PDE9A: variants seen among roughly 807,000 people sequenced by gnomAD.
PDE9A encodes high affinity cGMP-specific 3',5'-cyclic phosphodiesterase 9A.
Under a neutral mutation model 87.4 loss-of-function variants are expected in PDE9A, and 60 were observed. The observed-to-expected ratio is 0.69, with a 90% CI of 0.56 to 0.85. The LOEUF (loss-of-function observed/expected upper bound fraction) is 0.85, where lower values mean the gene tolerates loss of function less well. Among genes scored for constraint, PDE9A ranks in the 40% least tolerant of loss-of-function variants. The probability of loss-of-function intolerance (pLI) is 0.00; values close to 1 mark genes in which losing one functional copy is unlikely to be tolerated. For missense variants in PDE9A, 665 were observed against 779.0 expected (o/e 0.85, Z 1.74); for synonymous variants, 272 against 279.4 (o/e 0.97, Z 0.27).
At chr21:42,774,266 C>CA (rs2057324699) in intron 19 of PDE9A, among the ~76,000 whole-genome samples, 1 of 152,166 alleles carries the variant, frequency 6.6e-6, no homozygotes, top group Admixed American at 6.5e-5. Flanking sequence ...AGAGGAGCTG[C>CA]AACAGGCTTT....
At chr21:42,663,382 C>T (rs114761028) in intron 1 of PDE9A, among the ~76,000 whole-genome samples, 391 of 152,300 alleles carry the variant, frequency 2.6e-3, no homozygotes, top group African/African-American at 9.1e-3. Context: ...GTCAGCAGAG[C>T]CCCTGGGGGT....
chr21:42,742,114 G>A (rs1000823784), intron 7 of PDE9A, among the ~76,000 whole-genome samples: 11 of 152,144 alleles, frequency 7.2e-5, no homozygotes, highest in African/African-American at 9.7e-5. Flanking sequence ...TTTAACGCTC[G>A]CTCGGAGGCA....
intron 1 of PDE9A, among the ~76,000 whole-genome samples, chr21:42,667,016 C>G (rs1433812453): frequency 6.6e-6 from 1 of 152,236 alleles, no homozygotes; most frequent in Non-Finnish European, 1.5e-5. Flanking sequence ...CCCCACTCCC[C>G]CCCGCCCCAA....
Position 42,709,068 on chromosome 21 carries a change from A to T in PDE9A, c.262+10057A>T, listed in dbSNP as rs140793740. Among the ~76,000 whole-genome samples the T allele has an allele frequency of 8.5e-3, 1,294 of 152,338 alleles. 8 individuals carry two copies. Among genetic ancestry groups the T allele is most frequent in the Middle Eastern group, 0.014 (4 of 294 alleles). ...GTATCAATCCAAATGCCCATCAATG[A>T]TAGATTGGATAAAGAAAATGTGGTA... On this transcript the variant is annotated intron_variant, in intron 4 of 19. Transcript: ENST00000291539.
intron 9 of PDE9A, among the ~76,000 whole-genome samples, chr21:42,753,162 A>G (rs1410512507): frequency 2.0e-5 from 3 of 152,044 alleles, no homozygotes; most frequent in African/African-American, 7.2e-5. Context: ...ACCTGCCATC[A>G]TGCCTGGCTA....
intron 1 of PDE9A, among the ~76,000 whole-genome samples, chr21:42,670,461 C>G (rs903334292): frequency 6.6e-6 from 1 of 151,926 alleles, no homozygotes; most frequent in African/African-American, 2.4e-5. Context: ...GTCACACAGA[C>G]TTGCACATAG....
intron 2 of PDE9A, among the ~76,000 whole-genome samples, chr21:42,687,045 G>A (rs1203402557): frequency 6.6e-6 from 1 of 152,188 alleles, no homozygotes. Context: ...GAGTCCCACA[G>A]GAGTTAATGT....
chr21:42,661,779 C>T (rs893114092), intron 1 of PDE9A, among the ~76,000 whole-genome samples: 13 of 152,204 alleles, frequency 8.5e-5, no homozygotes, highest in Non-Finnish European at 1.8e-4. Context: ...AAGGCCTCTC[C>T]ACGTCTTGAG....
chr21:42,696,816 C>G lies in PDE9A; in HGVS notation c.219-2152C>G, dbSNP rs2060165175. ...TCCTGGGACAGCTGGGCACTGTGGA[C>G]TTGCCCAGCTGAGCACAGGCATCAG... On this transcript the variant is annotated intron_variant, in intron 3 of 19. Coordinates refer to ENST00000291539, the MANE Select transcript of PDE9A (RefSeq NM_002606.3). This position sits in a 1 kb window ranked among gnomAD's most constrained non-coding sequence, Gnocchi z 5.1. Among the ~76,000 whole-genome samples the G allele has an allele frequency of 6.6e-6, 1 of 152,178 alleles. No individual in the cohort carries two copies. The highest frequency in any genetic ancestry group is 6.5e-5 in the Admixed American group (1 of 15,292).
intron 1 of PDE9A, among the ~76,000 whole-genome samples, chr21:42,676,487 A>G (rs989485197): frequency 1.3e-5 from 2 of 152,168 alleles, no homozygotes; most frequent in Non-Finnish European, 2.9e-5. Context: ...TATCTCTTCA[A>G]TTCCGTCATT....
intron 4 of PDE9A, among the ~76,000 whole-genome samples, chr21:42,731,342 C>T (rs1388020963): frequency 1.3e-5 from 2 of 152,102 alleles, no homozygotes; most frequent in African/African-American, 4.8e-5. Context: ...ATGACTAAGC[C>T]TGGTGTGGGC....
In PDE9A at chr21:42,760,620, G is replaced by A. The variant is rs1203475122; in HGVS notation, c.1002+188G>A. Among the ~76,000 whole-genome samples the A allele has an allele frequency of 6.6e-6, 1 of 151,898 alleles. No homozygotes were observed. The highest frequency in any genetic ancestry group is 1.5e-5 in the Non-Finnish European group (1 of 67,960). On this transcript the variant is annotated intron_variant, in intron 12 of 19. Coordinates refer to ENST00000291539, the MANE Select transcript of PDE9A (RefSeq NM_002606.3). This position sits in a 1 kb window ranked among gnomAD's most constrained non-coding sequence, Gnocchi z 5.2. ...ACCCCATGGGCGAGGCTGCTCCTAGGATTACGAGAGCAGGTGAGTCCCCGA... is the reference window on the plus strand; with the variant it reads ...ACCCCATGGGCGAGGCTGCTCCTAGAATTACGAGAGCAGGTGAGTCCCCGA...
chr21:42,719,657 A>AG (rs1338347670), intron 4 of PDE9A, among the ~76,000 whole-genome samples: 2 of 146,922 alleles, frequency 1.4e-5, no homozygotes, highest in African/African-American at 4.9e-5. Context: ...AAAAAAAAAA[A>AG]AAAAGAAATA....
intron 1 of PDE9A, among the ~76,000 whole-genome samples, chr21:42,683,556 C>T (rs868467664): frequency 2.0e-5 from 3 of 152,098 alleles, no homozygotes; most frequent in South Asian, 2.1e-4. Flanking sequence ...CCCAGGCCTC[C>T]GGGGCCGCCT....
In PDE9A at chr21:42,762,170, G is replaced by A; in HGVS notation, c.1173G>A (p.Gln391=). 6.2e-7 allele frequency: 1 copy of A among 1,614,164 alleles called. No individual in the cohort carries two copies. The highest frequency in any genetic ancestry group is 2.2e-5 in the East Asian group (1 of 44,866). ...ACCACCACTGCGCCGTGGCCTTCCA[G>A]ATCCTCGCCGAGCCTGAGTGCAACA... The part of the protein sequence containing the change: ...LENHHCAVAF[Q]ILAEPECNIF... Residue 391 remains glutamine, a synonymous_variant, in exon 14 of 20, where the codon CAG becomes CAA. Transcript: ENST00000291539.
chr21:42,703,384 C>T (rs1195214613), intron 4 of PDE9A, among the ~76,000 whole-genome samples: 20 of 152,210 alleles, frequency 1.3e-4, no homozygotes, highest in Non-Finnish European at 2.5e-4. Flanking sequence ...CGAACCCATC[C>T]GTGGGAGAAG....
Position 42,690,037 on chromosome 21 carries a change from G to A in PDE9A, c.218+2043G>A, listed in dbSNP as rs930355725. On this transcript the variant is annotated intron_variant, in intron 3 of 19. Transcript: ENST00000291539. Reference sequence around the variant, plus strand: ...ACAGGTGAAGAAGGTGGAGACAGACGCGGATGAGGATACAGATGGAGAAGA... The same window carrying A: ...ACAGGTGAAGAAGGTGGAGACAGACACGGATGAGGATACAGATGGAGAAGA... 30 of 985,274 alleles carry A rather than the reference G, an allele frequency of 3.0e-5. No homozygotes were observed. In the Admixed American group the frequency reaches 4.9e-4, roughly 16 times the overall value. 61.0% of individuals were successfully genotyped at this position (985,274 alleles called of 1,614,324 possible). A position where few individuals can be genotyped will look rare whatever the true frequency, so the allele number is the denominator to read the frequency against.
chr21:42,775,147 G>A (rs1401343510), intron 19 of PDE9A, 133 bp from the exon 20 acceptor site: 3 of 727,170 alleles, frequency 4.1e-6, no homozygotes, highest in Admixed American at 2.4e-5. Context: ...TCACCATGTT[G>A]GTCAGCCTGG....
In PDE9A at chr21:42,686,174, C is replaced by T. The variant is rs145822669; in HGVS notation, c.70-18C>T. ...CCCGCCGCCCTCGCTGCCGCCTCAC[C>T]GCGCTTCTGTTTTGCAGGTAATCTT... is the stretch of plus-strand genomic sequence containing the variant. On this transcript the variant is annotated intron_variant, in intron 1 of 19. Transcript: ENST00000291539. The T allele has an allele frequency of 5.0e-6, 8 of 1,610,236 alleles. No individual in the cohort carries two copies. The highest frequency in any genetic ancestry group is 2.2e-5 in the South Asian group (2 of 90,970).
Sources: gnomAD v4.1 joint callset for allele counts (sites outside exome capture counted in the v4.1 genomes callset) on GRCh38, gnomAD v4.1.1 for gene constraint, Gnocchi (gnomAD v3.1) non-coding constraint, MANE v1.5 for transcripts, NCBI Gene and HGNC (gene_info 2026-07-23, HGNC 2026-07-21) for gene names.